SMAP1: variants seen among roughly 807,000 people sequenced by gnomAD.
SMAP1 encodes the protein small ArfGAP 1, also known as stromal membrane-associated protein 1.
In SMAP1, 24 loss-of-function variants were observed where a neutral mutation model predicts 58.5. The ratio of observed to expected loss-of-function variants is 0.41; its 90% CI spans 0.30 to 0.58. SMAP1 has a LOEUF of 0.58. Among genes scored for constraint, SMAP1 ranks in the 20% least tolerant of loss-of-function variants. The pLI, the probability that SMAP1 is intolerant of heterozygous loss-of-function variation, is 0.29. For missense variants in SMAP1, 563 were observed against 566.3 expected, an observed-to-expected ratio of 0.99 and a Z score of 0.06; for synonymous variants, 216 against 196.6, an observed-to-expected ratio of 1.10 and a Z score of -0.82.
chr6:70,748,747 G>T (rs1311532268), intron 2 of SMAP1, among the ~76,000 whole-genome samples: 2 of 152,006 alleles, frequency 1.3e-5, no homozygotes, highest in South Asian at 4.1e-4. Flanking sequence ...TGTGGACATG[G>T]TACAAACTTT....
chr6:70,837,380 AT>A (rs1184413766), intron 7 of SMAP1, among the ~76,000 whole-genome samples: 3 of 151,464 alleles, frequency 2.0e-5, no homozygotes, highest in Non-Finnish European at 2.9e-5. Context: ...TTTGTGGGGG[AT>A]TTTTCCTCTT....
At chr6:70,771,191 A>G (rs990822940) in intron 3 of SMAP1, among the ~76,000 whole-genome samples, 6 of 152,168 alleles carry the variant, frequency 3.9e-5, no homozygotes, top group Non-Finnish European at 8.8e-5. Flanking sequence ...GGCTGCTCAG[A>G]GGTCAGGGGT....
chr6:70,727,345 G>C (rs886790702), intron 1 of SMAP1, among the ~76,000 whole-genome samples: 1 of 152,200 alleles, frequency 6.6e-6, no homozygotes, highest in Admixed American at 6.5e-5. Context: ...CTGGCCTTAA[G>C]TTATCTGCCC....
Position 70,852,642 on chromosome 6 carries a change from C to A in SMAP1, c.767C>A (p.Ala256Glu). The A allele has an allele frequency of 6.2e-7, 1 of 1,607,574 alleles. No individual in the cohort carries two copies. The highest frequency in any genetic ancestry group is 8.5e-7 in the Non-Finnish European group (1 of 1,176,840). ...FGPMISNPLP[A>E]TVMPPAQGTP... is the part of the protein sequence containing the mutation. ...CCGATGATTTCTAATCCCTTACCTG[C>A]AACTGTCATGCCCCCAGCTCAGGTA... is the stretch of plus-strand genomic sequence containing the variant. Residue 256 changes from alanine to glutamate, a missense_variant, in exon 8 of 11, where the codon GCA (alanine) becomes GAA (glutamate). Ala to Glu is a moderately radical substitution (Grantham distance 107, BLOSUM62 -1). Transcript: ENST00000370455.
intron 6 of SMAP1, among the ~76,000 whole-genome samples, chr6:70,803,785 A>C (rs1440137681): frequency 1.3e-5 from 2 of 152,144 alleles, no homozygotes; most frequent in African/African-American, 4.8e-5. Flanking sequence ...TTCAGTTTCC[A>C]TGTAGATGTG....
At chr6:70,675,164 A>G (rs1296573175) in intron 1 of SMAP1, among the ~76,000 whole-genome samples, 1 of 149,368 alleles carries the variant, frequency 6.7e-6, no homozygotes, top group Non-Finnish European at 1.5e-5. Flanking sequence ...AAAGCAAATA[A>G]TAACATTACA....
chr6:70,725,242 G>A (rs372548404), intron 1 of SMAP1, among the ~76,000 whole-genome samples: 1 of 151,144 alleles, frequency 6.6e-6, no homozygotes, highest in Admixed American at 6.6e-5. Context: ...TCAGTCTCCC[G>A]AGTAGCTGGG....
chr6:70,669,898 A>T (rs148349028), intron 1 of SMAP1, among the ~76,000 whole-genome samples: 2 of 152,134 alleles, frequency 1.3e-5, no homozygotes, highest in Non-Finnish European at 2.9e-5. Context: ...TCAGATTTTC[A>T]CTAATGCTTT....
chr6:70,734,281 G>T (rs1418034626), intron 2 of SMAP1, among the ~76,000 whole-genome samples: 1 of 152,028 alleles, frequency 6.6e-6, no homozygotes, highest in African/African-American at 2.4e-5. Context: ...AAGTAGCTGG[G>T]ATTACAGGTG....
At position 70,798,709 on chromosome 6, in the gene SMAP1, A is replaced by G. The variant is rs781367182; in HGVS notation, c.548A>G (p.Lys183Arg). The change falls in exon 6 of 11, where the codon AAG becomes AGG. Residue 183 changes from lysine to arginine, a missense_variant. By Grantham distance (26) the Lys-to-Arg change is conservative (BLOSUM62 2). Around this residue, in one of 3 missense-constraint regions of SMAP1, gnomAD observed 494 missense variants for 473.8 expected, o/e 1.04. Coordinates refer to ENST00000370455, the MANE Select transcript of SMAP1 (RefSeq NM_001044305.3). ...EEKKREKEPE[K>R]PAKPLTAEKL... ...AAAAAGAGAGAAAAGGAGCCAGAAA[A>G]GCCGGCAAAACCACTTACAGCTGAA... is the stretch of plus-strand genomic sequence containing the variant. 2 of 1,563,948 alleles carry G rather than the reference A, an allele frequency of 1.3e-6. No individual in the cohort carries two copies. Among genetic ancestry groups the G allele is most frequent in the Non-Finnish European group, 1.7e-6 (2 of 1,155,468 alleles).
chr6:70,668,462 C>A, intron 1 of SMAP1: 1 of 1,409,680 alleles, frequency 7.1e-7, no homozygotes, highest in Non-Finnish European at 9.3e-7. Context: ...GCTGGGAGCG[C>A]GGAACCGGGC....
At chr6:70,779,099 C>T (rs949955693) in intron 4 of SMAP1, among the ~76,000 whole-genome samples, 2 of 152,228 alleles carry the variant, frequency 1.3e-5, no homozygotes, top group Non-Finnish European at 2.9e-5. Flanking sequence ...CCCAGGCAGG[C>T]GGTTCTCAGG....
At chr6:70,715,919 T>G (rs537758637) in intron 1 of SMAP1, among the ~76,000 whole-genome samples, 1 of 152,264 alleles carries the variant, frequency 6.6e-6, no homozygotes, top group Non-Finnish European at 1.5e-5. Flanking sequence ...CAAAGTCCAT[T>G]GTATCATTCT....
At chr6:70,824,686 T>C (rs151127860) in intron 6 of SMAP1, among the ~76,000 whole-genome samples, 1 of 152,324 alleles carries the variant, frequency 6.6e-6, no homozygotes, top group East Asian at 1.9e-4. Context: ...TCACTTGTTC[T>C]TAGCAGAGCA....
At chr6:70,817,136 A>ATT (rs1333516608) in intron 6 of SMAP1, among the ~76,000 whole-genome samples, 115 of 143,414 alleles carry the variant, frequency 8.0e-4, no homozygotes, top group Middle Eastern at 7.2e-3. Context: ...ATATATATAT[A>ATT]TATTTTTTTT....
At chr6:70,821,671 A>G (rs186117397) in intron 6 of SMAP1, among the ~76,000 whole-genome samples, 1 of 152,194 alleles carries the variant, frequency 6.6e-6, no homozygotes, top group Non-Finnish European at 1.5e-5. Context: ...TGAATACCTA[A>G]AATAAGAATT....
intron 2 of SMAP1, among the ~76,000 whole-genome samples, chr6:70,749,333 C>T (rs754592541): frequency 1.3e-5 from 2 of 152,118 alleles, no homozygotes; most frequent in East Asian, 1.9e-4. Context: ...GTGGGTATTA[C>T]GAGATGAGAT....
intron 1 of SMAP1, among the ~76,000 whole-genome samples, chr6:70,674,611 T>C (rs1766400957): frequency 1.3e-5 from 2 of 152,352 alleles, no homozygotes; most frequent in African/African-American, 4.8e-5. Flanking sequence ...TTTAATTTTG[T>C]TGATAAATCA....
intron 5 of SMAP1, among the ~76,000 whole-genome samples, chr6:70,792,935 C>T (rs1478071250): frequency 6.6e-6 from 1 of 152,078 alleles, no homozygotes; most frequent in African/African-American, 2.4e-5. Flanking sequence ...GAGGAAAAGA[C>T]TTAACCTATT....
Sources: gnomAD v4.1 joint callset for allele counts (sites outside exome capture counted in the v4.1 genomes callset) on GRCh38, gnomAD v4.1.1 for gene constraint, gnomAD v4.1.1 regional missense constraint, MANE v1.5 for transcripts, NCBI Gene and HGNC (gene_info 2026-07-23, HGNC 2026-07-21) for gene names.